RELN: variants seen among roughly 807,000 people sequenced by gnomAD.
RELN encodes the protein reelin.
In RELN, 108 loss-of-function variants were observed where a neutral mutation model predicts 427.6. The observed-to-expected ratio is 0.25, with a 90% confidence interval of 0.22 to 0.30. The LOEUF (loss-of-function observed/expected upper bound fraction) is 0.30. Ranked by LOEUF, RELN falls within the 10% of genes least tolerant of loss-of-function variation. The pLI is 1.00. For missense variants in RELN, 3,715 were observed against 4,302.8 expected (o/e 0.86, Z 3.82); for synonymous variants, 1,524 against 1,513.4 (o/e 1.01, Z -0.16).
At chr7:103,689,662 G>A (rs558266422) in intron 10 of RELN, among the ~76,000 whole-genome samples, 2 of 152,130 alleles carry the variant, frequency 1.3e-5, no homozygotes, top group Admixed American at 1.3e-4. Flanking sequence ...CAGAAACACT[G>A]CTTCATGGGG....
chr7:103,796,383 C>A (rs1299093253), intron 3 of RELN, among the ~76,000 whole-genome samples: 1 of 152,192 alleles, frequency 6.6e-6, no homozygotes, highest in Non-Finnish European at 1.5e-5. Flanking sequence ...TGGAATCTAT[C>A]ATCATTCCCA....
At chr7:103,729,155 C>T (rs1421120014) in intron 6 of RELN, among the ~76,000 whole-genome samples, 2 of 152,136 alleles carry the variant, frequency 1.3e-5, no homozygotes, top group Non-Finnish European at 2.9e-5. Flanking sequence ...CCTGTCTGAA[C>T]CTCAAACCAC....
intron 2 of RELN, among the ~76,000 whole-genome samples, chr7:103,838,525 T>A (rs1793470101): frequency 6.6e-6 from 1 of 151,972 alleles, no homozygotes; most frequent in Admixed American, 6.5e-5. Flanking sequence ...TTGGGGAGAA[T>A]AAGAGAGTCC....
At chr7:103,481,124 C>CTT (rs1007102059) in intron 63 of RELN, among the ~76,000 whole-genome samples, 1 of 152,166 alleles carries the variant, frequency 6.6e-6, no homozygotes, top group Non-Finnish European at 1.5e-5. Flanking sequence ...GAAGGGGTTG[C>CTT]TTTTACACTG....
At chr7:103,495,973 C>G (rs1828829051) in intron 56 of RELN, 75 bp from the exon 57 acceptor site, 1 of 1,480,716 alleles carries the variant, frequency 6.8e-7, no homozygotes, top group Admixed American at 1.7e-5. Flanking sequence ...GCATATTATT[C>G]TCTTGAACTG....
At chr7:103,494,597 A>ATTATCC (rs1252450827) in intron 57 of RELN, among the ~76,000 whole-genome samples, 1 of 136,822 alleles carries the variant, frequency 7.3e-6, no homozygotes, top group Admixed American at 7.9e-5. Flanking sequence ...GTTTCCCAGG[A>ATTATCC]TGGTCTTGAA....
intron 11 of RELN, among the ~76,000 whole-genome samples, chr7:103,678,334 A>G (rs1397981268): frequency 1.3e-5 from 2 of 152,216 alleles, no homozygotes; most frequent in African/African-American, 4.8e-5. Flanking sequence ...TTGTAAGGTT[A>G]AGCCAAAGTT....
Position 103,744,883 on chromosome 7 carries a change from GA to G in RELN, c.656+4542del, listed in dbSNP as rs199877585. Reference sequence around the variant, plus strand: ...CCTTCTGAAACTATTCCAATCAATAGAAAAAGAGGGAATCCTCCCTAACTCA... The same window carrying G: ...CCTTCTGAAACTATTCCAATCAATAGAAAAGAGGGAATCCTCCCTAACTCA... On this transcript the variant is annotated intron_variant, in intron 6 of 64. Coordinates refer to ENST00000428762, the MANE Select transcript of RELN (RefSeq NM_005045.4). Among the ~76,000 whole-genome samples, 1,439 of 152,178 alleles carry G rather than the reference GA, an allele frequency of 9.5e-3. 8 individuals are homozygous for G. The highest frequency in any genetic ancestry group is 0.011 in the African/African-American group (459 of 41,522).
At chr7:103,750,992 C>G (rs1790984937) in intron 5 of RELN, among the ~76,000 whole-genome samples, 1 of 152,172 alleles carries the variant, frequency 6.6e-6, no homozygotes, top group African/African-American at 2.4e-5. Flanking sequence ...AGTAAACTCA[C>G]TTTCATGGCT....
At chr7:103,732,591 A>C (rs1255554346) in intron 6 of RELN, among the ~76,000 whole-genome samples, 1 of 152,164 alleles carries the variant, frequency 6.6e-6, no homozygotes, top group Non-Finnish European at 1.5e-5. Flanking sequence ...CATGGCTTCC[A>C]AGAAGAGAAT....
intron 36 of RELN, 68 bp from the exon 37 acceptor site, chr7:103,558,117 T>C: frequency 1.3e-6 from 1 of 776,528 alleles, no homozygotes; most frequent in Admixed American, 1.8e-5. Flanking sequence ...TTTGATTTTA[T>C]ACACCTAACT....
intron 2 of RELN, among the ~76,000 whole-genome samples, chr7:103,844,845 T>C (rs969295232): frequency 6.6e-6 from 1 of 152,214 alleles, no homozygotes; most frequent in African/African-American, 2.4e-5. Context: ...AATTAAAGAA[T>C]ATATCTCAGT....
chr7:103,891,947 A>C (rs747177669), intron 2 of RELN, among the ~76,000 whole-genome samples: 5 of 152,180 alleles, frequency 3.3e-5, no homozygotes, highest in Non-Finnish European at 7.4e-5. Context: ...AGGAAGGAAG[A>C]ACATCGTATG....
chr7:103,661,239 T>C, intron 12 of RELN, 137 bp downstream of exon 12: 2 of 950,072 alleles, frequency 2.1e-6, no homozygotes, highest in South Asian at 2.8e-5. Flanking sequence ...ACCACAGGCT[T>C]CTGCTCTGTC....
At chr7:103,658,040 A>G (rs1004901561) in intron 12 of RELN, among the ~76,000 whole-genome samples, 1 of 152,156 alleles carries the variant, frequency 6.6e-6, no homozygotes, top group African/African-American at 2.4e-5. Flanking sequence ...GCAGATGCCT[A>G]GTAAATATTT....
At chr7:103,644,398 T>G (rs1016536700) in intron 16 of RELN, among the ~76,000 whole-genome samples, 1 of 149,110 alleles carries the variant, frequency 6.7e-6, no homozygotes. Flanking sequence ...ACCAAAGATA[T>G]AAGTATGTCT....
intron 19 of RELN, among the ~76,000 whole-genome samples, chr7:103,630,861 T>TTGTTTTTG (rs1562930970): frequency 5.4e-5 from 2 of 37,088 alleles, no homozygotes; most frequent in African/African-American, 1.9e-4. Flanking sequence ...GTTTTTTTTG[T>TTGTTTTTG]TTTTTTTTTT....
At chr7:103,815,799 G>T (rs185898452) in intron 3 of RELN, among the ~76,000 whole-genome samples, 1 of 152,292 alleles carries the variant, frequency 6.6e-6, no homozygotes, top group African/African-American at 2.4e-5. Context: ...GACATGAATT[G>T]TCCAAGACTT....
chr7:103,473,222 C>T (rs76696872), intron 64 of RELN, among the ~76,000 whole-genome samples: 4,081 of 152,286 alleles, frequency 0.027, 62 homozygotes, highest in African/African-American at 0.048. Context: ...TTCTTGAATG[C>T]TTCCTGAAAA....
Sources: gnomAD v4.1 joint callset for allele counts (sites outside exome capture counted in the v4.1 genomes callset) on GRCh38, gnomAD v4.1.1 for gene constraint, MANE v1.5 for transcripts, NCBI Gene and HGNC (gene_info 2026-07-23, HGNC 2026-07-21) for gene names.